MACROD2: variants seen among roughly 807,000 people sequenced by gnomAD.
MACROD2 encodes the protein ADP-ribose glycohydrolase MACROD2.
MACROD2 carries 36 observed loss-of-function variants against 70.4 expected under a neutral mutation model. The observed-to-expected ratio is 0.51, with a 90% CI of 0.39 to 0.68. The LOEUF (loss-of-function observed/expected upper bound fraction) is 0.68. Ranked by LOEUF, MACROD2 falls within the 30% of genes least tolerant of loss-of-function variation. MACROD2 has a pLI of 0.00. For missense variants in MACROD2, 496 were observed against 538.4 expected, an observed-to-expected ratio of 0.92 and a Z score of 0.78; for synonymous variants, 172 against 178.8, an observed-to-expected ratio of 0.96 and a Z score of 0.30.
intron 8 of MACROD2, among the ~76,000 whole-genome samples, chr20:15,584,976 G>A (rs1478148022): frequency 6.6e-6 from 1 of 152,188 alleles, no homozygotes; most frequent in African/African-American, 2.4e-5. Context: ...GTTGGCACCA[G>A]TCTTTCCAGG....
At chr20:15,344,051 G>A (rs976811610) in intron 6 of MACROD2, among the ~76,000 whole-genome samples, 10 of 152,126 alleles carry the variant, frequency 6.6e-5, no homozygotes, top group African/African-American at 1.9e-4. Context: ...ATTTTCAGTC[G>A]TTGAGGTATG....
chr20:15,638,213 C>A (rs2049399929), intron 8 of MACROD2, among the ~76,000 whole-genome samples: 2 of 152,208 alleles, frequency 1.3e-5, no homozygotes, highest in Non-Finnish European at 2.9e-5. Context: ...GGAAGCATGG[C>A]AACCTCGGGC....
intron 5 of MACROD2, among the ~76,000 whole-genome samples, chr20:15,141,398 G>A (rs1364046096): frequency 6.6e-6 from 1 of 151,956 alleles, no homozygotes; most frequent in East Asian, 1.9e-4. Context: ...ATATACACGT[G>A]TTTGCATAAG....
intron 8 of MACROD2, among the ~76,000 whole-genome samples, chr20:15,593,515 A>G (rs2048706097): frequency 6.6e-6 from 1 of 152,196 alleles, no homozygotes; most frequent in Non-Finnish European, 1.5e-5. Context: ...GTTTTTCCTT[A>G]TAATTACTTG....
At chr20:15,406,964 G>C (rs749885419) in intron 6 of MACROD2, among the ~76,000 whole-genome samples, 4 of 152,170 alleles carry the variant, frequency 2.6e-5, no homozygotes, top group Non-Finnish European at 4.4e-5. Flanking sequence ...ATTGAGCAAG[G>C]CTGTTCCCCT....
At chr20:14,021,901 C>T (rs896564141) in intron 2 of MACROD2, among the ~76,000 whole-genome samples, 1 of 152,028 alleles carries the variant, frequency 6.6e-6, no homozygotes, top group Admixed American at 6.5e-5. Context: ...ACATGTTGCC[C>T]TGGAGAACCT....
chr20:15,061,669 C>G (rs2075534007), intron 5 of MACROD2, among the ~76,000 whole-genome samples: 1 of 152,092 alleles, frequency 6.6e-6, no homozygotes, highest in Non-Finnish European at 1.5e-5. Flanking sequence ...GCTATTTGTT[C>G]TCATTAAGGA....
intron 5 of MACROD2, among the ~76,000 whole-genome samples, chr20:14,806,516 T>G (rs2072640626): frequency 6.6e-6 from 1 of 151,994 alleles, no homozygotes; most frequent in Non-Finnish European, 1.5e-5. Flanking sequence ...GGGCGGCTGT[T>G]TGGGCACACA....
chr20:15,088,768 G>C (rs949201840), intron 5 of MACROD2, among the ~76,000 whole-genome samples: 2 of 151,784 alleles, frequency 1.3e-5, no homozygotes, highest in African/African-American at 4.8e-5. Context: ...ACTCAGGTTA[G>C]GTGTAATCTT....
At chr20:14,710,637 A>G (rs12106236) in intron 5 of MACROD2, among the ~76,000 whole-genome samples, 48,808 of 152,052 alleles carry the variant, frequency 0.32, 7,949 homozygotes, top group East Asian at 0.36. Context: ...TTTTAAGATG[A>G]TTCAGAAATG....
In MACROD2 at chr20:15,101,410, C is replaced by G. The variant is rs148266768; in HGVS notation, c.419-128530C>G. On this transcript the variant is annotated intron_variant, in intron 5 of 17. Coordinates refer to ENST00000684519, the MANE Select transcript of MACROD2 (RefSeq NM_001351661.2). Reference sequence around the variant, plus strand: ...ATTTATTTGAATCCATGAAAGTTAACATGCCATTGTAGAATGCCAGACTAC... The same window carrying G: ...ATTTATTTGAATCCATGAAAGTTAAGATGCCATTGTAGAATGCCAGACTAC... Among the ~76,000 whole-genome samples the G allele has an allele frequency of 1.8e-4, 27 of 151,500 alleles. No individual in the cohort carries two copies. In the East Asian group the frequency reaches 4.7e-3, roughly 26 times the overall value.
At chr20:14,262,372 T>C (rs564170102) in intron 3 of MACROD2, among the ~76,000 whole-genome samples, 3 of 152,186 alleles carry the variant, frequency 2.0e-5, no homozygotes, top group Non-Finnish European at 4.4e-5. Flanking sequence ...GATTGCATTG[T>C]GTTATTATTC....
At chr20:15,026,412 A>C (rs1377737584) in intron 5 of MACROD2, among the ~76,000 whole-genome samples, 1 of 152,030 alleles carries the variant, frequency 6.6e-6, no homozygotes, top group Non-Finnish European at 1.5e-5. Context: ...AAATATTTAC[A>C]CTATCATCTT....
chr20:15,586,565 T>C (rs1218491164), intron 8 of MACROD2, among the ~76,000 whole-genome samples: 1 of 152,204 alleles, frequency 6.6e-6, no homozygotes, highest in Non-Finnish European at 1.5e-5. Context: ...AAAGCCAGCC[T>C]CATGCTGACC....
At chr20:15,937,389 G>A (rs2065680641) in intron 11 of MACROD2, 87 bp from the exon 12 acceptor site, 3 of 1,138,430 alleles carry the variant, frequency 2.6e-6, no homozygotes, top group Admixed American at 3.4e-5. Context: ...CTTTGGTGGA[G>A]AGTGGAGGGA....
chr20:15,752,638 ATC>A (rs1056776505), intron 8 of MACROD2, among the ~76,000 whole-genome samples: 3 of 152,130 alleles, frequency 2.0e-5, no homozygotes, highest in Non-Finnish European at 4.4e-5. Flanking sequence ...TTAGTGAAAA[ATC>A]TCTGTTTCTG....
chr20:15,900,564 G>A (rs1384994593), intron 10 of MACROD2, among the ~76,000 whole-genome samples: 1 of 152,062 alleles, frequency 6.6e-6, no homozygotes, highest in African/African-American at 2.4e-5. Context: ...ACTTTAAATG[G>A]GACTTAGAGA....
rs1234797549 is a variant in MACROD2 at position 15,770,084 on chromosome 20, A to ATTTTTTTTTT, written c.646-92657_646-92656insTTTTTTTTTT. ...AAATTTATTTTTTTAATTTATTTTA[A>ATTTTTTTTTT]TTTTCTTTTTTTTTTTTTTTTTTTT... On this transcript the variant is annotated intron_variant, in intron 8 of 17. Transcript: ENST00000684519. Among the ~76,000 whole-genome samples the ATTTTTTTTTT allele has an allele frequency of 1.6e-4, 20 of 125,718 alleles. 1 individual carries two copies. Among genetic ancestry groups the ATTTTTTTTTT allele is most frequent in the African/African-American group, 5.2e-4 (16 of 30,710 alleles). The allele number at this position is 125,718 out of a possible 152,430, so 82.5% of individuals were successfully genotyped here.
At chr20:14,860,004 G>A (rs1051476580) in intron 5 of MACROD2, among the ~76,000 whole-genome samples, 8 of 152,094 alleles carry the variant, frequency 5.3e-5, no homozygotes, top group Admixed American at 3.9e-4. Flanking sequence ...ATTCTTAAAG[G>A]TCATACATTG....
Sources: allele counts gnomAD v4.1 joint callset (sites outside exome capture counted in the v4.1 genomes callset), GRCh38; gene constraint gnomAD v4.1.1; transcripts MANE v1.5; gene names NCBI Gene and HGNC (gene_info 2026-07-23, HGNC 2026-07-21).